PACRG: variants seen among roughly 807,000 people sequenced by gnomAD.
PACRG encodes parkin coregulated.
In PACRG, 29 loss-of-function variants were observed where a neutral mutation model predicts 29.7. The ratio of observed to expected loss-of-function variants is 0.98; its 90% CI spans 0.73 to 1.33. The LOEUF is 1.33. PACRG is among the 40% of genes most tolerant of loss of function. The pLI is 0.00. For synonymous variants in PACRG, 116 were observed against 118.7 expected, an observed-to-expected ratio of 0.98 and a Z score of 0.15; for missense variants, 279 against 316.2, an observed-to-expected ratio of 0.88 and a Z score of 0.89.
At chr6:163,059,307 A>G (rs1369100772) in intron 2 of PACRG, among the ~76,000 whole-genome samples, 1 of 152,170 alleles carries the variant, frequency 6.6e-6, no homozygotes, top group African/African-American at 2.4e-5. Context: ...TTTTGAGAAT[A>G]GGAATTATGC....
chr6:163,108,736 T>A (rs542505818), intron 4 of PACRG, among the ~76,000 whole-genome samples: 3 of 152,196 alleles, frequency 2.0e-5, no homozygotes, highest in Non-Finnish European at 4.4e-5. Context: ...GTTCTTCATA[T>A]TAAGTTGTTG....
intron 2 of PACRG, among the ~76,000 whole-genome samples, chr6:162,905,005 G>T (rs1795828771): frequency 6.6e-6 from 1 of 152,150 alleles, no homozygotes; most frequent in Non-Finnish European, 1.5e-5. Flanking sequence ...ACATGGAGTT[G>T]AAAGGGCACA....
intron 2 of PACRG, among the ~76,000 whole-genome samples, chr6:162,937,672 G>C (rs558086394): frequency 6.6e-6 from 1 of 152,130 alleles, no homozygotes; most frequent in Non-Finnish European, 1.5e-5. Context: ...ATTAGCCAGA[G>C]CCCTTGTAAT....
chr6:163,138,330 C>T (rs936063459), intron 4 of PACRG, among the ~76,000 whole-genome samples: 3 of 152,262 alleles, frequency 2.0e-5, no homozygotes, highest in Middle Eastern at 3.4e-3. Context: ...ACCATGGGGG[C>T]GTATCTGCCA....
intron 2 of PACRG, among the ~76,000 whole-genome samples, chr6:162,972,897 A>G (rs1801648637): frequency 6.6e-6 from 1 of 152,204 alleles, no homozygotes; most frequent in African/African-American, 2.4e-5. Flanking sequence ...GATTCTTTAG[A>G]TTTAAATGTT....
chr6:163,267,445 G>A lies in PACRG; in HGVS notation c.614-47382G>A, dbSNP rs576556054. On this transcript the variant is annotated intron_variant, in intron 4 of 4. Coordinates refer to ENST00000366888, the MANE Select transcript of PACRG (RefSeq NM_001080379.2). ...TCCTAGTTTTCTAAAGTACTTTTAAGATCAGTCATATCCAGTGGGACCATA... is the reference window on the plus strand; with the variant it reads ...TCCTAGTTTTCTAAAGTACTTTTAAAATCAGTCATATCCAGTGGGACCATA... Among the ~76,000 whole-genome samples, 5 of 152,278 alleles carry A rather than the reference G, an allele frequency of 3.3e-5. No homozygotes were observed. The South Asian group carries it at 1.0e-3, about 32-fold the overall frequency.
chr6:162,998,441 C>A (rs1804280894), intron 2 of PACRG, among the ~76,000 whole-genome samples: 3 of 152,226 alleles, frequency 2.0e-5, no homozygotes, highest in Non-Finnish European at 4.4e-5. Flanking sequence ...TTAATGTGAG[C>A]AGGTATTTGT....
chr6:162,852,001 GAGGGAGGAAGGAAGGA>G (rs1170292821), intron 2 of PACRG, among the ~76,000 whole-genome samples: 7 of 100,002 alleles, frequency 7.0e-5, no homozygotes, highest in Admixed American at 7.0e-4. Context: ...GGGAGGGAGG[GAGGGAGGAAGGAAGGA>G]AGGAAGGAAG....
chr6:163,142,596 G>A (rs371767873), intron 4 of PACRG, among the ~76,000 whole-genome samples: 2 of 152,040 alleles, frequency 1.3e-5, no homozygotes, highest in African/African-American at 4.8e-5. Flanking sequence ...AAGAAGAATC[G>A]AAGAAGAAGG....
chr6:163,285,186 C>T (rs148792510), intron 4 of PACRG, among the ~76,000 whole-genome samples: 1,598 of 152,176 alleles, frequency 0.011, 20 homozygotes, highest in Middle Eastern at 0.027. Context: ...CCCCTCTCCC[C>T]ACCCCACCTG....
At chr6:162,763,996 C>A (rs1326809158) in intron 1 of PACRG, among the ~76,000 whole-genome samples, 1 of 152,190 alleles carries the variant, frequency 6.6e-6, no homozygotes, top group Non-Finnish European at 1.5e-5. Context: ...GTGCTCCAGG[C>A]CCGGCATGGT....
At chr6:163,282,677 A>G (rs1029212265) in intron 4 of PACRG, among the ~76,000 whole-genome samples, 5 of 150,820 alleles carry the variant, frequency 3.3e-5, no homozygotes, top group East Asian at 1.9e-4. Context: ...ACACCACTGC[A>G]CTCCAGCATG....
chr6:162,993,272 C>G lies in PACRG; in HGVS notation c.292-68878C>G, dbSNP rs1321405264. 1.9e-4 allele frequency among the ~76,000 whole-genome samples: 29 copies of G among 148,784 alleles called. No individual in the cohort carries two copies. The East Asian group carries it at 5.8e-3, about 30-fold the overall frequency. On this transcript the variant is annotated intron_variant, in intron 2 of 4. Transcript: ENST00000366888. ...TCTATTAGGTCCACTTGGTACAGAG[C>G]TGAGTTCAATTCCTGGGTATCCTTG...
chr6:163,244,838 G>C, intron 4 of PACRG: 1 of 254,586 alleles, frequency 3.9e-6, no homozygotes, highest in Non-Finnish European at 7.9e-6. Flanking sequence ...TTTAACCTTG[G>C]CAAACAAAGT....
chr6:163,176,297 T>C (rs1382974318), intron 4 of PACRG, among the ~76,000 whole-genome samples: 1 of 152,204 alleles, frequency 6.6e-6, no homozygotes, highest in Non-Finnish European at 1.5e-5. Flanking sequence ...GCTTCAACAA[T>C]AAAAATTGTG....
At chr6:163,245,004 CCTT>C (rs1181646226) in intron 4 of PACRG, 1 of 455,302 alleles carries the variant, frequency 2.2e-6, no homozygotes, top group Admixed American at 2.4e-5. Context: ...CAGACTTGCT[CCTT>C]GTCTTTCTAC....
chr6:162,738,001 G>A (rs912028635), intron 1 of PACRG, among the ~76,000 whole-genome samples: 1 of 151,784 alleles, frequency 6.6e-6, no homozygotes, highest in African/African-American at 2.4e-5. Context: ...TATAGAAATA[G>A]AAAAAGAGGC....
chr6:163,305,381 C>T (rs182260425), intron 4 of PACRG, among the ~76,000 whole-genome samples: 18 of 152,298 alleles, frequency 1.2e-4, no homozygotes, highest in Non-Finnish European at 1.6e-4. Flanking sequence ...TCTATTCCTG[C>T]GATCCCACAG....
chr6:162,933,599 A>ACCT (rs1798011575), intron 2 of PACRG, among the ~76,000 whole-genome samples: 1 of 74,860 alleles, frequency 1.3e-5, no homozygotes, highest in African/African-American at 6.2e-5. Flanking sequence ...GACTTTCTGT[A>ACCT]TCTTTTTTTT....
Sources: allele counts gnomAD v4.1 joint callset (sites outside exome capture counted in the v4.1 genomes callset), GRCh38; gene constraint gnomAD v4.1.1; transcripts MANE v1.5; gene names NCBI Gene and HGNC (gene_info 2026-07-23, HGNC 2026-07-21).